THSD7A: variants seen among roughly 807,000 people sequenced by gnomAD.
THSD7A encodes thrombospondin type 1 domain containing 7A.
In THSD7A, 96 loss-of-function variants were observed where a neutral mutation model predicts 231.3. The ratio of observed to expected loss-of-function variants is 0.41; its 90% CI spans 0.35 to 0.49. The LOEUF (loss-of-function observed/expected upper bound fraction) is 0.49. Among genes scored for constraint, THSD7A ranks in the 20% least tolerant of loss-of-function variants. THSD7A has a pLI of 0.05. For synonymous variants in THSD7A, 940 were observed against 743.3 expected (o/e 1.26, Z -4.30); for missense variants, 2,290 against 2,070.2 (o/e 1.11, Z -2.06).
intron 6 of THSD7A, among the ~76,000 whole-genome samples, chr7:11,491,294 T>C (rs571530650): frequency 6.6e-6 from 1 of 152,228 alleles, no homozygotes; most frequent in East Asian, 1.9e-4. Context: ...AGAGTTGGGT[T>C]CTAAGTATCT....
chr7:11,388,994 G>A (rs893059459), intron 23 of THSD7A, among the ~76,000 whole-genome samples: 5 of 152,120 alleles, frequency 3.3e-5, no homozygotes, highest in African/African-American at 1.2e-4. Flanking sequence ...CTGTTCTTTT[G>A]CATTTGCTGA....
At chr7:11,382,937 T>G (rs1246958405) in intron 23 of THSD7A, among the ~76,000 whole-genome samples, 2 of 150,826 alleles carry the variant, frequency 1.3e-5, no homozygotes, top group Non-Finnish European at 3.0e-5. Context: ...TATATATATA[T>G]ATATCTCCCA....
chr7:11,686,572 T>A (rs866511657), intron 1 of THSD7A, among the ~76,000 whole-genome samples: 1 of 151,760 alleles, frequency 6.6e-6, no homozygotes, highest in Non-Finnish European at 1.5e-5. Flanking sequence ...AGTAAAGACA[T>A]GAAATCAACC....
At chr7:11,717,298 G>A (rs1781173801) in intron 1 of THSD7A, among the ~76,000 whole-genome samples, 1 of 151,684 alleles carries the variant, frequency 6.6e-6, no homozygotes, top group Non-Finnish European at 1.5e-5. Flanking sequence ...CATGCACTGG[G>A]ATTCTCCCTT....
intron 4 of THSD7A, among the ~76,000 whole-genome samples, chr7:11,560,972 G>C (rs1326768199): frequency 2.0e-5 from 3 of 152,162 alleles, no homozygotes; most frequent in Admixed American, 2.0e-4. Context: ...GTACTTAACA[G>C]ATACTAAGTT....
intron 23 of THSD7A, among the ~76,000 whole-genome samples, chr7:11,391,115 A>G (rs565177739): frequency 6.6e-6 from 1 of 152,234 alleles, no homozygotes; most frequent in Non-Finnish European, 1.5e-5. Context: ...AGCAGAGATC[A>G]AATGCTGTGC....
intron 1 of THSD7A, among the ~76,000 whole-genome samples, chr7:11,810,318 C>A (rs969420829): frequency 2.0e-5 from 3 of 152,168 alleles, no homozygotes; most frequent in Non-Finnish European, 4.4e-5. Flanking sequence ...TTTGCACATC[C>A]TTTGGAGGCC....
intron 1 of THSD7A, among the ~76,000 whole-genome samples, chr7:11,726,983 G>C (rs190827776): frequency 2.0e-3 from 298 of 152,052 alleles, no homozygotes; most frequent in Non-Finnish European, 3.6e-3. Flanking sequence ...TCTGACAAGA[G>C]CGACGTGATA....
intron 6 of THSD7A, among the ~76,000 whole-genome samples, chr7:11,532,808 T>A (rs550574089): frequency 6.6e-6 from 1 of 152,304 alleles, no homozygotes; most frequent in East Asian, 1.9e-4. Context: ...AATGTGCAAT[T>A]GGAATTTAGA....
chr7:11,622,930 C>T (rs1781365112), intron 2 of THSD7A, among the ~76,000 whole-genome samples: 3 of 152,056 alleles, frequency 2.0e-5, no homozygotes, highest in African/African-American at 7.2e-5. Flanking sequence ...GAGATATCTT[C>T]ATAGTTGTGG....
In THSD7A at chr7:11,458,771, G is replaced by A. The variant is rs190509192; in HGVS notation, c.2605+1891C>T. Among the ~76,000 whole-genome samples the A allele has an allele frequency of 9.9e-5, 15 of 152,284 alleles. No individual in the cohort carries two copies. The East Asian group carries it at 1.9e-3, about 20-fold the overall frequency. On this transcript the variant is annotated intron_variant, in intron 11 of 27. Transcript: ENST00000423059. ...CAGGATGAAGAACGAACAGTTTTCC[G>A]ATTTGGAAATGCAAAGGTTGCTGGT...
chr7:11,394,085 T>A (rs565238960), intron 23 of THSD7A, among the ~76,000 whole-genome samples: 32 of 152,002 alleles, frequency 2.1e-4, no homozygotes, highest in African/African-American at 7.7e-4. Flanking sequence ...AAGGTTGAAA[T>A]GAACGAAAAA....
In THSD7A at chr7:11,744,710, T is replaced by C. The variant is rs1167310127; in HGVS notation, c.190+87047A>G. On this transcript the variant is annotated intron_variant, in intron 1 of 27. Coordinates refer to ENST00000423059, the MANE Select transcript of THSD7A (RefSeq NM_015204.3). ...ATGCGGTGTTTGGTTTTGGTCCTTG[T>C]GATAGTTTGCTGAGAATGATGGTTT... 3.3e-5 allele frequency among the ~76,000 whole-genome samples: 5 copies of C among 151,456 alleles called. No individual in the cohort carries two copies. In the East Asian group the frequency reaches 7.9e-4, roughly 24 times the overall value.
chr7:11,387,868 T>G (rs1354347356), intron 23 of THSD7A, among the ~76,000 whole-genome samples: 1 of 151,848 alleles, frequency 6.6e-6, no homozygotes, highest in Non-Finnish European at 1.5e-5. Flanking sequence ...CTCTTATTAT[T>G]TTGAGATATG....
At position 11,636,228 on chromosome 7, in the gene THSD7A, C is replaced by T. The variant is rs61996273; in HGVS notation, c.924G>A (p.Arg308=). 0.088 allele frequency: 141,619 copies of T among 1,613,842 alleles called. 7,745 individuals carry two copies. The highest frequency in any genetic ancestry group is 0.24 in the East Asian group (10,769 of 44,874). ...ELIKKKRNRN[R]QNRQENKYWD... is the part of the protein sequence containing the mutation. ...AATATTTGTTCTCTTGTCTGTTCTG[C>T]CTGTTTCTGTTTCTCTTTTTCTTAA... is the stretch of plus-strand genomic sequence containing the variant. The change falls in exon 2 of 28, where the codon AGG becomes AGA. Residue 308 remains arginine, a synonymous_variant. Transcript: ENST00000423059. This position sits in a 1 kb window ranked among gnomAD's most constrained non-coding sequence, Gnocchi z 10.0.
chr7:11,606,448 C>A (rs1342611288), intron 2 of THSD7A, among the ~76,000 whole-genome samples: 1 of 152,002 alleles, frequency 6.6e-6, no homozygotes, highest in African/African-American at 2.4e-5. Context: ...AATTCCTAGC[C>A]CCTTTATGAG....
intron 1 of THSD7A, among the ~76,000 whole-genome samples, chr7:11,699,775 A>C (rs1780523065): frequency 6.6e-6 from 1 of 151,250 alleles, no homozygotes; most frequent in Non-Finnish European, 1.5e-5. Flanking sequence ...TACATAACTG[A>C]AGTGTGACAG....
intron 13 of THSD7A, among the ~76,000 whole-genome samples, chr7:11,442,880 G>A (rs999291988): frequency 1.3e-5 from 2 of 151,982 alleles, no homozygotes; most frequent in African/African-American, 2.4e-5. Flanking sequence ...GAATCCCCAC[G>A]AAGTCAATGT....
At chr7:11,641,737 T>C (rs1782087858) in intron 1 of THSD7A, among the ~76,000 whole-genome samples, 1 of 150,196 alleles carries the variant, frequency 6.7e-6, no homozygotes, top group Non-Finnish European at 1.5e-5. Flanking sequence ...AGTATAGTCA[T>C]GATTGAACCT....
Sources: gnomAD v4.1 joint callset for allele counts (sites outside exome capture counted in the v4.1 genomes callset) on GRCh38, gnomAD v4.1.1 for gene constraint, Gnocchi (gnomAD v3.1) non-coding constraint, MANE v1.5 for transcripts, NCBI Gene and HGNC (gene_info 2026-07-23, HGNC 2026-07-21) for gene names.